DLG2: variants seen among roughly 807,000 people sequenced by gnomAD.
DLG2 encodes disks large homolog 2.
DLG2 carries 45 observed loss-of-function variants against 132.5 expected under a neutral mutation model. The observed-to-expected ratio is 0.34, with a 90% CI of 0.27 to 0.44. DLG2 has a LOEUF of 0.44. DLG2 is among the 20% of genes least tolerant of loss of function. The pLI is 1.00. For missense variants in DLG2, 1,045 were observed against 1,196.9 expected, an observed-to-expected ratio of 0.87 and a Z score of 1.87; for synonymous variants, 424 against 419.6, an observed-to-expected ratio of 1.01 and a Z score of -0.13.
intron 18 of DLG2, among the ~76,000 whole-genome samples, chr11:83,776,310 C>A (rs12283621): frequency 0.69 from 105,278 of 151,748 alleles, 38,168 homozygotes; most frequent in African/African-American, 0.9. Context: ...TTCTGCCACC[C>A]CTCTTTATTT....
At chr11:85,056,501 A>G (rs2154156685) in intron 6 of DLG2, among the ~76,000 whole-genome samples, 1 of 152,208 alleles carries the variant, frequency 6.6e-6, no homozygotes, top group Non-Finnish European at 1.5e-5. Flanking sequence ...ATGCCATAAA[A>G]GACATATACA....
intron 15 of DLG2, among the ~76,000 whole-genome samples, chr11:83,894,647 C>T (rs1475867395): frequency 2.0e-5 from 3 of 152,092 alleles, no homozygotes; most frequent in East Asian, 1.9e-4. Flanking sequence ...TTCTTTGTGT[C>T]GAGAACATGA....
At chr11:84,158,419 G>T (rs34293665) in intron 9 of DLG2, among the ~76,000 whole-genome samples, 11,253 of 152,132 alleles carry the variant, frequency 0.074, 589 homozygotes, top group African/African-American at 0.15. Flanking sequence ...AAGAAAATCT[G>T]TTTGGAGGAA....
chr11:84,440,439 A>G (rs1452565460), intron 7 of DLG2, among the ~76,000 whole-genome samples: 1 of 152,182 alleles, frequency 6.6e-6, no homozygotes, highest in Non-Finnish European at 1.5e-5. Flanking sequence ...AGATGGATAT[A>G]ATGTCAACTG....
rs964534923 is a variant in DLG2, at chr11:84,717,479, C to T, written c.358-182748G>A. Among the ~76,000 whole-genome samples the T allele has an allele frequency of 4.6e-5, 7 of 152,096 alleles. No homozygotes were observed. The South Asian group carries it at 1.5e-3, about 32-fold the overall frequency. On this transcript the variant is annotated intron_variant, in intron 6 of 27. Transcript: ENST00000376104. ...CAAGAGCAGTTTATTGCTATGCCTC[C>T]AGTGTGTAGAATTTCTAGTGTGGTC... is the stretch of plus-strand genomic sequence containing the variant.
intron 6 of DLG2, among the ~76,000 whole-genome samples, chr11:84,694,641 T>A (rs914485545): frequency 6.6e-6 from 1 of 151,538 alleles, no homozygotes; most frequent in Non-Finnish European, 1.5e-5. Flanking sequence ...GAATAAGCCA[T>A]AATTTCAAAA....
intron 19 of DLG2, among the ~76,000 whole-genome samples, chr11:83,571,951 T>C (rs2096803561): frequency 6.6e-6 from 1 of 152,088 alleles, no homozygotes; most frequent in Non-Finnish European, 1.5e-5. Flanking sequence ...CACAATATAA[T>C]GCTAAGTAAA....
At chr11:84,687,665 T>C (rs2099739297) in intron 6 of DLG2, among the ~76,000 whole-genome samples, 1 of 152,202 alleles carries the variant, frequency 6.6e-6, no homozygotes, top group Non-Finnish European at 1.5e-5. Flanking sequence ...CCTGCACTTC[T>C]GAAATATTTT....
At chr11:85,197,472 A>G (rs1003548196) in intron 4 of DLG2, among the ~76,000 whole-genome samples, 5 of 152,226 alleles carry the variant, frequency 3.3e-5, no homozygotes, top group Non-Finnish European at 7.4e-5. Flanking sequence ...TGTATTAAGA[A>G]ATCTTGACAT....
chr11:84,524,634 T>C (rs900358753), intron 7 of DLG2, among the ~76,000 whole-genome samples: 3 of 152,184 alleles, frequency 2.0e-5, no homozygotes, highest in Non-Finnish European at 4.4e-5. Flanking sequence ...AGGATGATCA[T>C]CTCAGCTACT....
chr11:84,225,604 A>G (rs1170690305), intron 8 of DLG2, among the ~76,000 whole-genome samples: 1 of 152,184 alleles, frequency 6.6e-6, no homozygotes, highest in Non-Finnish European at 1.5e-5. Flanking sequence ...GTGATAGAAT[A>G]AGAACAGTGA....
intron 7 of DLG2, among the ~76,000 whole-genome samples, chr11:84,296,962 G>A (rs1213343461): frequency 6.6e-6 from 1 of 151,970 alleles, no homozygotes; most frequent in Non-Finnish European, 1.5e-5. Context: ...ACCTAAAGAG[G>A]GGGGAAAGGG....
intron 7 of DLG2, among the ~76,000 whole-genome samples, chr11:84,291,909 A>G (rs2098005140): frequency 6.6e-6 from 1 of 151,966 alleles, no homozygotes; most frequent in East Asian, 1.9e-4. Context: ...TCTTTTAAGT[A>G]TTTTGGAAAA....
intron 6 of DLG2, among the ~76,000 whole-genome samples, chr11:84,924,141 G>C (rs1284600783): frequency 6.6e-6 from 1 of 152,068 alleles, no homozygotes; most frequent in Non-Finnish European, 1.5e-5. Context: ...CCTTCTATCT[G>C]TTGTCATTCC....
At chr11:85,093,227 A>AT (rs1436285183) in intron 6 of DLG2, among the ~76,000 whole-genome samples, 1 of 152,222 alleles carries the variant, frequency 6.6e-6, no homozygotes, top group Non-Finnish European at 1.5e-5. Context: ...CTGACAAAAA[A>AT]CAATTTTGAA....
intron 13 of DLG2, among the ~76,000 whole-genome samples, chr11:83,963,398 G>A (rs1397873674): frequency 6.6e-6 from 1 of 151,908 alleles, no homozygotes; most frequent in Admixed American, 6.6e-5. Context: ...TCCAATTACT[G>A]AGAGTAAAAG....
At chr11:84,464,572 A>C (rs1197926871) in intron 7 of DLG2, among the ~76,000 whole-genome samples, 1 of 151,170 alleles carries the variant, frequency 6.6e-6, no homozygotes, top group Non-Finnish European at 1.5e-5. Flanking sequence ...AGTAGTGTAG[A>C]GTTTAGCTTT....
intron 6 of DLG2, among the ~76,000 whole-genome samples, chr11:85,075,595 ATC>A (rs2066427361): frequency 6.6e-6 from 1 of 151,924 alleles, no homozygotes; most frequent in Admixed American, 6.6e-5. Flanking sequence ...AAGTTACTCT[ATC>A]TCTTTCTCAC....
chr11:84,952,592 TAA>T (rs377700153), intron 6 of DLG2, among the ~76,000 whole-genome samples: 3 of 141,642 alleles, frequency 2.1e-5, no homozygotes, highest in Non-Finnish European at 3.1e-5. Flanking sequence ...AGTTTAATAT[TAA>T]AAAAAAAAAA....
Sources: allele counts gnomAD v4.1 joint callset (sites outside exome capture counted in the v4.1 genomes callset), GRCh38; gene constraint gnomAD v4.1.1; transcripts MANE v1.5; gene names NCBI Gene and HGNC (gene_info 2026-07-23, HGNC 2026-07-21).